TTLL5: variants seen among roughly 807,000 people sequenced by gnomAD.
TTLL5 encodes tubulin polyglutamylase TTLL5.
In TTLL5, 132 loss-of-function variants were observed where a neutral mutation model predicts 168.4. The ratio of observed to expected loss-of-function variants is 0.78; its 90% confidence interval spans 0.68 to 0.91. The LOEUF is 0.91. Ranked by LOEUF, TTLL5 falls within the 40% of genes least tolerant of loss-of-function variation. The pLI is 0.00. For synonymous variants in TTLL5, 546 were observed against 558.6 expected, an observed-to-expected ratio of 0.98 and a Z score of 0.32; for missense variants, 1,545 against 1,581.5, an observed-to-expected ratio of 0.98 and a Z score of 0.39.
chr14:75,722,764 C>T (rs1887924587), intron 12 of TTLL5, among the ~76,000 whole-genome samples: 1 of 152,192 alleles, frequency 6.6e-6, no homozygotes, highest in Non-Finnish European at 1.5e-5. Context: ...GATCCTCCTG[C>T]CTTGGCTTCC....
intron 5 of TTLL5, among the ~76,000 whole-genome samples, chr14:75,686,215 G>C (rs1045996409): frequency 6.6e-6 from 1 of 152,156 alleles, no homozygotes. Flanking sequence ...GAGTCCAGTC[G>C]AGGCTAACCA....
At chr14:75,812,237 AG>A (rs2140394309) in intron 27 of TTLL5, among the ~76,000 whole-genome samples, 1 of 152,296 alleles carries the variant, frequency 6.6e-6, no homozygotes, top group South Asian at 2.1e-4. Flanking sequence ...AAGCAGGAGC[AG>A]GGGGAGGAGG....
intron 28 of TTLL5, among the ~76,000 whole-genome samples, chr14:75,854,909 T>C (rs1897052089): frequency 6.6e-6 from 1 of 152,196 alleles, no homozygotes; most frequent in South Asian, 2.1e-4. Context: ...AAATCCTTTG[T>C]CACATATACA....
intron 25 of TTLL5, 52 bp from the exon 26 acceptor site, chr14:75,783,095 T>G: frequency 6.6e-7 from 1 of 1,504,822 alleles, no homozygotes; most frequent in South Asian, 1.3e-5. Context: ...TTATAGAGAT[T>G]GTATGTTTGT....
At chr14:75,811,156 A>AGAGTATGTGT (rs60194482) in intron 27 of TTLL5, among the ~76,000 whole-genome samples, 1 of 116,532 alleles carries the variant, frequency 8.6e-6, no homozygotes, top group Non-Finnish European at 1.7e-5. Flanking sequence ...TGAAAGAAAG[A>AGAGTATGTGT]GTGTGTGTGT....
intron 31 of TTLL5, among the ~76,000 whole-genome samples, chr14:75,922,132 G>A (rs1256768345): frequency 6.6e-6 from 1 of 151,512 alleles, no homozygotes. Flanking sequence ...GGAGATTTTG[G>A]GCTGAGACGA....
rs772392491 is a variant in TTLL5 at position 75,707,022 on chromosome 14, AC to A, written c.592del (p.Gln198ArgfsTer20). The A allele has an allele frequency of 1.9e-6, 3 of 1,609,584 alleles. No homozygotes were observed. Among genetic ancestry groups the A allele is most frequent in the African/African-American group, 1.3e-5 (1 of 74,752 alleles). The part of the protein sequence containing the change: ...GRGVYLINNP[N>X]QISLEENILV... ...TTCTTTCTCTTTACTCAATAGCCAAACCAGATCTCCCTGGAAGAGAACATTT... is the reference window on the plus strand; with the variant it reads ...TTCTTTCTCTTTACTCAATAGCCAAACAGATCTCCCTGGAAGAGAACATTT... On this transcript the variant is annotated frameshift_variant, in exon 8 of 32. Transcript: ENST00000298832. LOFTEE classifies it high-confidence loss of function.
chr14:75,682,144 C>T (rs571565196), intron 4 of TTLL5, among the ~76,000 whole-genome samples: 86 of 144,420 alleles, frequency 6.0e-4, no homozygotes, highest in Non-Finnish European at 1.2e-3. Flanking sequence ...GAGCCGAGAT[C>T]ACACCACTGC....
At chr14:75,661,626 G>C (rs1890732456) in intron 1 of TTLL5, 1 of 152,354 alleles carries the variant, frequency 6.6e-6, no homozygotes, top group South Asian at 2.1e-4. Context: ...TTCGGGAGAG[G>C]AGTCTCCTTA....
chr14:75,738,449 G>A (rs1464285123), intron 15 of TTLL5, among the ~76,000 whole-genome samples: 1 of 152,134 alleles, frequency 6.6e-6, no homozygotes, highest in Admixed American at 6.5e-5. Context: ...TACTGTTTCT[G>A]ATAAAGTGAT....
At chr14:75,914,033 A>AAAAATATATATATATATATATATATAT in intron 31 of TTLL5, among the ~76,000 whole-genome samples, 2 of 71,094 alleles carry the variant, frequency 2.8e-5, no homozygotes, top group African/African-American at 3.1e-4. Context: ...AAAAAAAAAA[A>AAAAATATATATATATATATATATATAT]ATATATATAT....
chr14:75,801,188 A>T lies in TTLL5; in HGVS notation c.3171+8088A>T, dbSNP rs538309336. Among the ~76,000 whole-genome samples, 250 of 152,156 alleles carry T rather than the reference A, an allele frequency of 1.6e-3. 1 individual carries two copies. The highest frequency in any genetic ancestry group is 6.8e-3 in the Middle Eastern group (2 of 294). On this transcript the variant is annotated intron_variant, in intron 27 of 31. Transcript: ENST00000298832. ...GCCCAAGCTCAGAGACTCTCCTTGG[A>T]CAGGGCTTGCTGCTTTTGCTGTGGG... is the stretch of plus-strand genomic sequence containing the variant.
At chr14:75,921,721 G>T (rs1489280943) in intron 31 of TTLL5, among the ~76,000 whole-genome samples, 2 of 152,062 alleles carry the variant, frequency 1.3e-5, no homozygotes, top group Non-Finnish European at 2.9e-5. Flanking sequence ...CTCTTTTTTG[G>T]TTCCATATGA....
chr14:75,752,211 C>T (rs183407335), intron 17 of TTLL5, among the ~76,000 whole-genome samples: 4 of 152,316 alleles, frequency 2.6e-5, no homozygotes, highest in Middle Eastern at 3.4e-3. Flanking sequence ...AATTCCTAAC[C>T]ATCTGGGAAT....
intron 30 of TTLL5, among the ~76,000 whole-genome samples, chr14:75,890,741 A>G (rs570082199): frequency 1.1e-4 from 16 of 152,136 alleles, no homozygotes; most frequent in African/African-American, 3.4e-4. Flanking sequence ...TTTTTTTGAG[A>G]TGGAGTCTCG....
At chr14:75,666,121 T>C (rs1174082512) in intron 2 of TTLL5, among the ~76,000 whole-genome samples, 1 of 152,206 alleles carries the variant, frequency 6.6e-6, no homozygotes, top group Non-Finnish European at 1.5e-5. Context: ...ATTTTTTACA[T>C]TAGGAAGCTT....
At chr14:75,826,321 A>C (rs1184066838) in intron 28 of TTLL5, among the ~76,000 whole-genome samples, 1 of 151,712 alleles carries the variant, frequency 6.6e-6, no homozygotes, top group Non-Finnish European at 1.5e-5. Flanking sequence ...ACACACACAC[A>C]CACACACACA....
chr14:75,853,757 A>G (rs1896994054), intron 28 of TTLL5, among the ~76,000 whole-genome samples: 1 of 152,182 alleles, frequency 6.6e-6, no homozygotes, highest in African/African-American at 2.4e-5. Flanking sequence ...AAAATCATCT[A>G]TTTTGGCTGG....
Position 75,942,100 on chromosome 14 carries a change from T to G in TTLL5, c.3824-12324T>G, listed in dbSNP as rs182673749. ...TGGGAGGCTGAGGCAGGAGAATGGC[T>G]TGAACCAGGGAGGCGGAGCTTGCAG... is the stretch of plus-strand genomic sequence containing the variant. On this transcript the variant is annotated intron_variant, in intron 31 of 31. Transcript: ENST00000298832. 5.5e-3 allele frequency among the ~76,000 whole-genome samples: 837 copies of G among 151,826 alleles called. 13 individuals carry two copies. The highest frequency in any genetic ancestry group is 0.027 in the South Asian group (128 of 4,808).
Sources: gnomAD v4.1 joint callset for allele counts (sites outside exome capture counted in the v4.1 genomes callset) on GRCh38, gnomAD v4.1.1 for gene constraint, MANE v1.5 for transcripts, NCBI Gene and HGNC (gene_info 2026-07-23, HGNC 2026-07-21) for gene names.